The following IMMP2L variants were observed in gnomAD, a reference collection of about 807,000 sequenced individuals.
IMMP2L encodes the protein inner mitochondrial membrane peptidase subunit 2.
A neutral mutation model predicts 19.3 loss-of-function variants in IMMP2L; 18 were observed. The ratio of observed to expected loss-of-function variants is 0.93; its 90% CI spans 0.64 to 1.38. The LOEUF (loss-of-function observed/expected upper bound fraction) is 1.38. Among genes scored for constraint, IMMP2L ranks in the 40% most tolerant of loss-of-function variants. The probability of loss-of-function intolerance (pLI) is 0.00; values close to 1 mark genes in which losing one functional copy is unlikely to be tolerated. For synonymous variants in IMMP2L, 76 were observed against 73.0 expected (o/e 1.04, Z -0.21); for missense variants, 233 against 218.2 (o/e 1.07, Z -0.43).
chr7:111,281,092 GAGA>G (rs1819660845), intron 3 of IMMP2L, among the ~76,000 whole-genome samples: 1 of 45,136 alleles, frequency 2.2e-5, no homozygotes, highest in African/African-American at 1.3e-4. Flanking sequence ...AGGAAAGAGA[GAGA>G]AAGAGAGAAA....
intron 1 of IMMP2L, among the ~76,000 whole-genome samples, chr7:111,537,453 T>C (rs530062274): frequency 3.3e-5 from 5 of 151,812 alleles, no homozygotes; most frequent in African/African-American, 9.7e-5. Flanking sequence ...TCATTTTCTA[T>C]AGGATAATAT....
chr7:110,925,763 G>A (rs1210741104), intron 4 of IMMP2L, among the ~76,000 whole-genome samples: 6 of 151,988 alleles, frequency 3.9e-5, no homozygotes, highest in Non-Finnish European at 8.8e-5. Flanking sequence ...TGCTAAATGT[G>A]TAAGCAAACG....
intron 5 of IMMP2L, among the ~76,000 whole-genome samples, chr7:110,730,122 A>C (rs1796159526): frequency 6.6e-6 from 1 of 152,148 alleles, no homozygotes; most frequent in Non-Finnish European, 1.5e-5. Flanking sequence ...GCTAATATCC[A>C]GTGTCAACTT....
chr7:111,078,910 A>G (rs1185159440), intron 3 of IMMP2L, among the ~76,000 whole-genome samples: 1 of 151,850 alleles, frequency 6.6e-6, no homozygotes, highest in African/African-American at 2.4e-5. Context: ...TTCTATTTTT[A>G]GTAGAGACGG....
chr7:111,007,617 T>C (rs765382692), intron 3 of IMMP2L, among the ~76,000 whole-genome samples: 4 of 152,084 alleles, frequency 2.6e-5, no homozygotes, highest in Non-Finnish European at 5.9e-5. Flanking sequence ...GTAAATCTCT[T>C]CCATTCTCAT....
intron 3 of IMMP2L, among the ~76,000 whole-genome samples, chr7:111,306,532 T>C (rs1015828442): frequency 2.6e-5 from 4 of 152,238 alleles, no homozygotes; most frequent in East Asian, 1.9e-4. Flanking sequence ...TTGGTATCTA[T>C]GTCAACAAAT....
intron 3 of IMMP2L, among the ~76,000 whole-genome samples, chr7:111,306,140 G>C (rs538082467): frequency 1.3e-4 from 20 of 152,030 alleles, no homozygotes; most frequent in African/African-American, 4.8e-4. Context: ...ATTTTCCAAA[G>C]TACATATATA....
chr7:111,148,009 C>T (rs1331509657), intron 3 of IMMP2L, among the ~76,000 whole-genome samples: 1 of 152,050 alleles, frequency 6.6e-6, no homozygotes, highest in East Asian at 1.9e-4. Context: ...CCTAGGTATA[C>T]ACCCCAAGAG....
intron 5 of IMMP2L, among the ~76,000 whole-genome samples, chr7:110,764,702 T>C (rs989669182): frequency 2.6e-5 from 4 of 152,070 alleles, no homozygotes; most frequent in African/African-American, 9.6e-5. Context: ...TGAAAGAGAA[T>C]TATGACTTCA....
At chr7:111,230,244 C>G (rs986187078) in intron 3 of IMMP2L, among the ~76,000 whole-genome samples, 5 of 151,950 alleles carry the variant, frequency 3.3e-5, no homozygotes, top group Admixed American at 3.3e-4. Flanking sequence ...ATTCTTACAG[C>G]CAATTTAATT....
chr7:110,717,594 C>T (rs1795310298), intron 5 of IMMP2L, among the ~76,000 whole-genome samples: 1 of 152,184 alleles, frequency 6.6e-6, no homozygotes, highest in African/African-American at 2.4e-5. Flanking sequence ...CAGTACATGG[C>T]CATTTGTTAA....
intron 4 of IMMP2L, among the ~76,000 whole-genome samples, chr7:110,888,768 C>G (rs1432214676): frequency 6.6e-6 from 1 of 152,104 alleles, no homozygotes; most frequent in Non-Finnish European, 1.5e-5. Flanking sequence ...TTTTCTGAGC[C>G]TGCTAACACT....
rs1795997642 is a variant in IMMP2L, at chr7:110,727,774, T to G, written c.409-64053A>C. The stretch of plus-strand genomic sequence containing the variant: ...GAGAGTATTATTATCTAAGAGAGTC[T>G]GGGAAAGTCATGGGACTTACCTGAA... On this transcript the variant is annotated intron_variant, in intron 5 of 5. Coordinates refer to ENST00000405709, the MANE Select transcript of IMMP2L (RefSeq NM_032549.4). This position sits in a 1 kb window ranked among gnomAD's most constrained non-coding sequence, Gnocchi z 4.3. Among the ~76,000 whole-genome samples the G allele has an allele frequency of 6.6e-6, 1 of 152,226 alleles. No individual in the cohort carries two copies. The highest frequency in any genetic ancestry group is 6.5e-5 in the Admixed American group (1 of 15,280).
At chr7:111,272,553 G>A (rs1818577142) in intron 3 of IMMP2L, among the ~76,000 whole-genome samples, 1 of 152,178 alleles carries the variant, frequency 6.6e-6, no homozygotes, top group Non-Finnish European at 1.5e-5. Flanking sequence ...CTCAAGGCCT[G>A]TACAGTGCTT....
rs1050257981 is a variant in IMMP2L, at chr7:111,390,129, G to C, written c.239+97109C>G. On this transcript the variant is annotated intron_variant, in intron 3 of 5. Coordinates refer to ENST00000405709, the MANE Select transcript of IMMP2L (RefSeq NM_032549.4). The stretch of plus-strand genomic sequence containing the variant: ...CCATATATGGGCAGTGCAGTCAGTA[G>C]ACAGCCGCCAGGTCAGTAGACTTCA... Among the ~76,000 whole-genome samples, 8 of 152,290 alleles carry C rather than the reference G, an allele frequency of 5.3e-5. No individual in the cohort carries two copies. The Middle Eastern group carries it at 0.017, about 324-fold the overall frequency.
intron 4 of IMMP2L, among the ~76,000 whole-genome samples, chr7:110,889,184 C>G (rs151320344): frequency 3.3e-5 from 5 of 152,282 alleles, no homozygotes; most frequent in African/African-American, 1.2e-4. Context: ...ACAATTTTTT[C>G]ATGGACCAGG....
At chr7:110,730,468 C>T (rs913836910) in intron 5 of IMMP2L, among the ~76,000 whole-genome samples, 2 of 152,168 alleles carry the variant, frequency 1.3e-5, no homozygotes, top group African/African-American at 4.8e-5. Context: ...CTGAAGGCTG[C>T]ACTGTCAGCT....
At position 111,073,741 on chromosome 7, in the gene IMMP2L, T is replaced by C. The variant is rs910178776; in HGVS notation, c.240-110176A>G. Among the ~76,000 whole-genome samples the C allele has an allele frequency of 1.2e-4, 19 of 152,308 alleles. No individual in the cohort carries two copies. In the East Asian group the frequency reaches 3.3e-3, roughly 26 times the overall value. On this transcript the variant is annotated intron_variant, in intron 3 of 5. Transcript: ENST00000405709. ...TAACTCTCTTTTCCTGAAATAGAGA[T>C]CACCCTTAAATGTTTCCTTAGTTGT...
intron 5 of IMMP2L, among the ~76,000 whole-genome samples, chr7:110,858,829 C>T (rs971258802): frequency 6.6e-6 from 1 of 151,916 alleles, no homozygotes; most frequent in Non-Finnish European, 1.5e-5. Flanking sequence ...CTTCAATTCC[C>T]ACCTGTGAGT....
Sources: allele counts gnomAD v4.1 joint callset (sites outside exome capture counted in the v4.1 genomes callset), GRCh38; gene constraint gnomAD v4.1.1; non-coding constraint Gnocchi (gnomAD v3.1); transcripts MANE v1.5; gene names NCBI Gene and HGNC (gene_info 2026-07-23, HGNC 2026-07-21).